Variants in AKT3 observed in about 807,000 individuals in gnomAD.
AKT3 encodes RAC-gamma serine/threonine-protein kinase.
In AKT3, 15 loss-of-function variants were observed where a neutral mutation model predicts 65.3. The observed-to-expected ratio is 0.23, with a 90% CI of 0.15 to 0.35. The LOEUF (loss-of-function observed/expected upper bound fraction) is 0.35, where lower values mean the gene tolerates loss of function less well. Among genes scored for constraint, AKT3 ranks in the 10% least tolerant of loss-of-function variants. The probability of loss-of-function intolerance (pLI) is 1.00; values close to 1 mark genes in which losing one functional copy is unlikely to be tolerated. For synonymous variants in AKT3, 206 were observed against 183.8 expected (o/e 1.12, Z -0.98); for missense variants, 243 against 576.5 (o/e 0.42, Z 5.92).
intron 5 of AKT3, among the ~76,000 whole-genome samples, chr1:243,640,156 G>A (rs561544296): frequency 2.0e-4 from 31 of 152,262 alleles, no homozygotes; most frequent in African/African-American, 7.2e-4. Flanking sequence ...AAAATAATAA[G>A]ATATATTAAT....
rs1669106871 is a variant in AKT3, at chr1:243,500,059, C to T, written c.*5190G>A. 4.4e-6 allele frequency: 2 copies of T among 457,038 alleles called. No homozygotes were observed. The highest frequency in any genetic ancestry group is 9.3e-5 in the South Asian group (2 of 21,496). The allele number at this position is 457,038 out of a possible 1,614,324, so 28.3% of individuals were successfully genotyped here. A position where few individuals can be genotyped will look rare whatever the true frequency, so the allele number is the denominator to read the frequency against. On this transcript the variant is annotated 3_prime_UTR_variant, in exon 14 of 14. Transcript: ENST00000673466. Reference sequence around the variant, plus strand: ...CTGCTCATTCGTATGCTAGGTTATACATATGATTTTCAATAAATGAACTTT... The same window carrying T: ...CTGCTCATTCGTATGCTAGGTTATATATATGATTTTCAATAAATGAACTTT...
At chr1:243,648,374 A>G (rs553945748) in intron 4 of AKT3, among the ~76,000 whole-genome samples, 1 of 152,324 alleles carries the variant, frequency 6.6e-6, no homozygotes, top group South Asian at 2.1e-4. Context: ...TGGTGAAATT[A>G]GCTTAATAGT....
intron 12 of AKT3, among the ~76,000 whole-genome samples, chr1:243,541,913 A>G (rs1429857250): frequency 6.6e-6 from 1 of 152,236 alleles, no homozygotes; most frequent in African/African-American, 2.4e-5. Context: ...AACAAAGTGA[A>G]AATGAAATTT....
chr1:243,622,094 C>G (rs1678799306), intron 6 of AKT3, among the ~76,000 whole-genome samples: 1 of 152,164 alleles, frequency 6.6e-6, no homozygotes, highest in Non-Finnish European at 1.5e-5. Context: ...CAGTAAAAGC[C>G]AATATCCTTA....
At chr1:243,695,237 G>A (rs1684987265) in intron 3 of AKT3, among the ~76,000 whole-genome samples, 3 of 151,906 alleles carry the variant, frequency 2.0e-5, no homozygotes, top group Non-Finnish European at 4.4e-5. Flanking sequence ...ACAGGAAACT[G>A]ATTAAAGTGC....
intron 2 of AKT3, among the ~76,000 whole-genome samples, chr1:243,708,390 G>A (rs1360273171): frequency 6.6e-6 from 1 of 151,876 alleles, no homozygotes; most frequent in Admixed American, 6.6e-5. Flanking sequence ...ACTTACCTTG[G>A]CCCTCTGAGG....
Position 243,585,149 on chromosome 1 carries a change from C to A in AKT3, c.697-12101G>T, listed in dbSNP as rs76462623. On this transcript the variant is annotated intron_variant, in intron 8 of 13. Coordinates refer to ENST00000673466, the MANE Select transcript of AKT3 (RefSeq NM_005465.7). ...AAATCATTTACAATAGCCACACACACAAAAAAATCCAGGAATACATCTAAC... is the reference window on the plus strand; with the variant it reads ...AAATCATTTACAATAGCCACACACAAAAAAAAATCCAGGAATACATCTAAC... 7.3e-4 allele frequency among the ~76,000 whole-genome samples: 110 copies of A among 151,416 alleles called. No homozygotes were observed. The East Asian group carries it at 0.013, about 18-fold the overall frequency.
intron 3 of AKT3, among the ~76,000 whole-genome samples, chr1:243,679,365 T>G (rs1683758671): frequency 6.6e-6 from 1 of 152,180 alleles, no homozygotes; most frequent in Non-Finnish European, 1.5e-5. Flanking sequence ...GTGAATAAAT[T>G]GATACAAACA....
intron 10 of AKT3, among the ~76,000 whole-genome samples, chr1:243,557,620 C>G (rs1025196753): frequency 6.6e-6 from 1 of 151,892 alleles, no homozygotes; most frequent in African/African-American, 2.4e-5. Flanking sequence ...TAGCAACATA[C>G]TATAGAAAGA....
intron 2 of AKT3, among the ~76,000 whole-genome samples, chr1:243,700,941 A>C (rs1407515861): frequency 6.6e-6 from 1 of 152,224 alleles, no homozygotes; most frequent in East Asian, 1.9e-4. Flanking sequence ...ACCAGAGCTC[A>C]CCAAAAAGTT....
At chr1:243,533,044 A>G (rs1382708623) in intron 12 of AKT3, among the ~76,000 whole-genome samples, 1 of 152,064 alleles carries the variant, frequency 6.6e-6, no homozygotes, top group East Asian at 1.9e-4. Flanking sequence ...TTTCCTCCTT[A>G]GTCAATCCAT....
At chr1:243,811,152 T>C (rs750814158) in intron 2 of AKT3, among the ~76,000 whole-genome samples, 22 of 152,154 alleles carry the variant, frequency 1.4e-4, no homozygotes, top group Non-Finnish European at 2.9e-4. Context: ...CTATTCAACA[T>C]AGTGTTGGAA....
rs527912986 is a variant in AKT3, at chr1:243,715,685, G to A, written c.47-19969C>T. ...TAACTCTTCTTGTTAAATAAACGAG[G>A]GAAAGAAAAAAAGTATTTTTAGAAG... is the stretch of plus-strand genomic sequence containing the variant. On this transcript the variant is annotated intron_variant, in intron 2 of 13. Transcript: ENST00000673466. 5.3e-5 allele frequency among the ~76,000 whole-genome samples: 8 copies of A among 151,614 alleles called. No individual in the cohort carries two copies. The East Asian group carries it at 1.5e-3, about 29-fold the overall frequency.
At chr1:243,515,882 C>T (rs958282311) in intron 12 of AKT3, among the ~76,000 whole-genome samples, 3 of 151,434 alleles carry the variant, frequency 2.0e-5, no homozygotes, top group Non-Finnish European at 2.9e-5. Flanking sequence ...CCCAGCTACT[C>T]GGGAGAATGG....
intron 12 of AKT3, among the ~76,000 whole-genome samples, chr1:243,534,011 AAAAACCTGT>A (rs1211803811): frequency 1.3e-5 from 2 of 152,154 alleles, no homozygotes; most frequent in Admixed American, 1.3e-4. Flanking sequence ...AGAAAAACAA[AAAAACCTGT>A]AAGAAATCCA....
chr1:243,672,685 T>C (rs574107465), intron 3 of AKT3, among the ~76,000 whole-genome samples: 6 of 152,368 alleles, frequency 3.9e-5, no homozygotes, highest in Admixed American at 2.0e-4. Context: ...TGAGTTGAAT[T>C]TGAAGTCACG....
intron 2 of AKT3, among the ~76,000 whole-genome samples, chr1:243,802,694 C>T (rs1692450696): frequency 6.6e-6 from 1 of 152,152 alleles, no homozygotes; most frequent in Admixed American, 6.5e-5. Context: ...TCTAATCCAT[C>T]CATTTATTTT....
intron 3 of AKT3, 107 bp downstream of exon 3, chr1:243,695,484 T>C: frequency 1.8e-6 from 2 of 1,084,830 alleles, no homozygotes; most frequent in Non-Finnish European, 2.5e-6. Flanking sequence ...CTATTAAATA[T>C]AAACCCAAAC....
At chr1:243,542,228 C>T (rs377382890) in intron 12 of AKT3, among the ~76,000 whole-genome samples, 24 of 152,282 alleles carry the variant, frequency 1.6e-4, no homozygotes, top group East Asian at 7.7e-4. Context: ...ATAAAACACC[C>T]TGCTAGAGAA....
Sources: allele counts gnomAD v4.1 joint callset (sites outside exome capture counted in the v4.1 genomes callset), GRCh38; gene constraint gnomAD v4.1.1; transcripts MANE v1.5; gene names NCBI Gene and HGNC (gene_info 2026-07-23, HGNC 2026-07-21).